The following CDH2 variants were observed in gnomAD, a reference collection of about 807,000 sequenced individuals.
CDH2 encodes cadherin-2.
Under a neutral mutation model 92.0 loss-of-function variants are expected in CDH2, and 17 were observed. The ratio of observed to expected loss-of-function variants is 0.18; its 90% CI spans 0.13 to 0.28. The LOEUF (loss-of-function observed/expected upper bound fraction) is 0.28. CDH2 is among the 10% of genes least tolerant of loss of function. CDH2 has a pLI of 1.00. For missense variants in CDH2, 862 were observed against 1,133.1 expected (o/e 0.76, Z 3.44); for synonymous variants, 419 against 415.9 (o/e 1.01, Z -0.09).
chr18:28,052,240 C>T (rs756689602), intron 2 of CDH2, among the ~76,000 whole-genome samples: 1 of 151,980 alleles, frequency 6.6e-6, no homozygotes, highest in Non-Finnish European at 1.5e-5. Context: ...CAACTTATTC[C>T]ACATGGGAAG....
chr18:28,044,312 G>C (rs1278688298), intron 2 of CDH2, among the ~76,000 whole-genome samples: 2 of 152,156 alleles, frequency 1.3e-5, no homozygotes, highest in Admixed American at 1.3e-4. Context: ...TCTAGAAACT[G>C]TTCACATTTT....
chr18:28,150,667 G>A (rs1255571891), intron 1 of CDH2, among the ~76,000 whole-genome samples: 1 of 152,142 alleles, frequency 6.6e-6, no homozygotes, highest in African/African-American at 2.4e-5. Flanking sequence ...TTGAAAAAAT[G>A]CTCTTAAAGC....
intron 2 of CDH2, among the ~76,000 whole-genome samples, chr18:28,118,258 A>G (rs2015528987): frequency 6.6e-6 from 1 of 152,148 alleles, no homozygotes; most frequent in Non-Finnish European, 1.5e-5. Flanking sequence ...GTGAGGGGAC[A>G]GAAATGCAAC....
chr18:27,974,671 G>A (rs1044077214), intron 14 of CDH2, among the ~76,000 whole-genome samples: 1 of 152,092 alleles, frequency 6.6e-6, no homozygotes, highest in African/African-American at 2.4e-5. Flanking sequence ...TTAAGAAGTG[G>A]GGCCTTTACG....
chr18:28,113,383 T>C (rs2015443764), intron 2 of CDH2, among the ~76,000 whole-genome samples: 2 of 151,690 alleles, frequency 1.3e-5, no homozygotes, highest in South Asian at 4.2e-4. Flanking sequence ...ATATGGCTAC[T>C]GGCTACCATA....
chr18:28,125,643 A>C (rs1299259797), intron 2 of CDH2, among the ~76,000 whole-genome samples: 1 of 152,176 alleles, frequency 6.6e-6, no homozygotes, highest in African/African-American at 2.4e-5. Context: ...AAAACCCCTA[A>C]ATCATCATAA....
chr18:28,036,946 C>CA (rs373692059), intron 2 of CDH2, among the ~76,000 whole-genome samples: 28 of 152,122 alleles, frequency 1.8e-4, no homozygotes, highest in African/African-American at 6.5e-4. Context: ...CAGCTAGTAA[C>CA]AATCCATCAC....
At chr18:28,090,962 T>G (rs561020530) in intron 2 of CDH2, among the ~76,000 whole-genome samples, 53 of 152,320 alleles carry the variant, frequency 3.5e-4, no homozygotes, top group Non-Finnish European at 5.6e-4. Flanking sequence ...ACAAGAGGAC[T>G]GAAAAAGCAT....
At chr18:28,148,309 C>T (rs2144328587) in intron 1 of CDH2, among the ~76,000 whole-genome samples, 1 of 152,202 alleles carries the variant, frequency 6.6e-6, no homozygotes, top group African/African-American at 2.4e-5. Context: ...TAAAACCAAT[C>T]AAAACTATAT....
intron 1 of CDH2, among the ~76,000 whole-genome samples, chr18:28,165,045 T>C (rs2016358266): frequency 6.6e-6 from 1 of 152,248 alleles, no homozygotes; most frequent in South Asian, 2.1e-4. Flanking sequence ...CTTGCATGCA[T>C]TAAGTGCTCA....
At chr18:28,082,646 T>C (rs1393503033) in intron 2 of CDH2, among the ~76,000 whole-genome samples, 3 of 152,186 alleles carry the variant, frequency 2.0e-5, no homozygotes, top group East Asian at 1.9e-4. Flanking sequence ...TTATATTAGA[T>C]CATAAAATGG....
At chr18:28,158,025 T>C (rs2016248608) in intron 1 of CDH2, among the ~76,000 whole-genome samples, 1 of 152,216 alleles carries the variant, frequency 6.6e-6, no homozygotes, top group Non-Finnish European at 1.5e-5. Flanking sequence ...TGTATTCATG[T>C]ACAATTAGGC....
At chr18:28,039,080 T>C (rs2013896528) in intron 2 of CDH2, among the ~76,000 whole-genome samples, 2 of 152,184 alleles carry the variant, frequency 1.3e-5, no homozygotes, top group Admixed American at 1.3e-4. Context: ...GAACTTTATG[T>C]GTCTTCCTTC....
chr18:28,151,978 T>G (rs2016129772), intron 1 of CDH2, among the ~76,000 whole-genome samples: 2 of 152,148 alleles, frequency 1.3e-5, no homozygotes, highest in Non-Finnish European at 2.9e-5. Flanking sequence ...TTGAATTTCA[T>G]TCCATTTTCA....
At chr18:28,073,576 G>A (rs1056015341) in intron 2 of CDH2, among the ~76,000 whole-genome samples, 8 of 152,140 alleles carry the variant, frequency 5.3e-5, no homozygotes, top group Admixed American at 3.3e-4. Context: ...GGGTGACCTT[G>A]AGCCCTCTTA....
In CDH2 at chr18:28,153,321, T is replaced by A. The variant is rs142890217; in HGVS notation, c.61-5537A>T. On this transcript the variant is annotated intron_variant, in intron 1 of 15. Transcript: ENST00000269141. ...CTTCCTCCTCTATTATCTTTGCTGC[T>A]GATTTTGGGTCCTTAGGGGGAGCAA... Among the ~76,000 whole-genome samples, 47 of 152,354 alleles carry A rather than the reference T, an allele frequency of 3.1e-4. No homozygotes were observed. The East Asian group carries it at 8.3e-3, about 27-fold the overall frequency.
chr18:27,942,276 C>T (rs188950480), intron 6 of CDH2, among the ~76,000 whole-genome samples: 2 of 152,208 alleles, frequency 1.3e-5, no homozygotes, highest in East Asian at 1.9e-4. Context: ...GAGAGTGAAA[C>T]ATTTTCTTTC....
intron 2 of CDH2, among the ~76,000 whole-genome samples, chr18:28,045,012 T>C (rs1199265039): frequency 6.6e-6 from 1 of 152,058 alleles, no homozygotes; most frequent in Non-Finnish European, 1.5e-5. Flanking sequence ...CTACATGAAA[T>C]TTTCAGGTAG....
intron 1 of CDH2, among the ~76,000 whole-genome samples, chr18:28,174,882 T>C (rs1334700310): frequency 6.6e-6 from 1 of 152,190 alleles, no homozygotes; most frequent in Non-Finnish European, 1.5e-5. Context: ...ATTTACTGTC[T>C]GTAAATAAGA....
Sources: gnomAD v4.1 joint callset for allele counts (sites outside exome capture counted in the v4.1 genomes callset) on GRCh38, gnomAD v4.1.1 for gene constraint, MANE v1.5 for transcripts, NCBI Gene and HGNC (gene_info 2026-07-23, HGNC 2026-07-21) for gene names.